Variants in RSBN1 observed in about 807,000 individuals in gnomAD.
RSBN1 encodes the protein lysine-specific demethylase 9.
RSBN1 carries 23 observed loss-of-function variants against 74.8 expected under a neutral mutation model. That is an observed-to-expected ratio of 0.31 (90% CI 0.22 to 0.44). The LOEUF (loss-of-function observed/expected upper bound fraction) is 0.44. Among genes scored for constraint, RSBN1 ranks in the 20% least tolerant of loss-of-function variants. The pLI is 1.00. For missense variants in RSBN1, 808 were observed against 1,020.9 expected (o/e 0.79, Z 2.84); for synonymous variants, 407 against 379.6 (o/e 1.07, Z -0.84).
intron 3 of RSBN1, 34 bp from the exon 4 acceptor site, chr1:113,777,386 T>C: frequency 6.3e-7 from 1 of 1,576,766 alleles, no homozygotes; most frequent in Non-Finnish European, 8.6e-7. Flanking sequence ...CATTAAAAAA[T>C]TGTTTCAATG....
intron 2 of RSBN1, among the ~76,000 whole-genome samples, chr1:113,794,182 T>A (rs2101815645): frequency 6.6e-6 from 1 of 152,210 alleles, no homozygotes; most frequent in South Asian, 2.1e-4. Context: ...TTCTAATTAT[T>A]TCTCAAATTT....
chr1:113,798,897 C>G (rs879562320), intron 1 of RSBN1, among the ~76,000 whole-genome samples: 9 of 152,132 alleles, frequency 5.9e-5, no homozygotes, highest in Admixed American at 5.9e-4. Context: ...TTACAAAATG[C>G]TTAGACTCAT....
At chr1:113,767,653 T>G (rs376758833) in intron 5 of RSBN1, among the ~76,000 whole-genome samples, 1 of 152,160 alleles carries the variant, frequency 6.6e-6, no homozygotes, top group East Asian at 1.9e-4. Context: ...TGCAGGGACA[T>G]GAAGAGATAT....
chr1:113,794,325 T>C (rs958389656), intron 2 of RSBN1, among the ~76,000 whole-genome samples: 1 of 152,258 alleles, frequency 6.6e-6, no homozygotes, highest in Non-Finnish European at 1.5e-5. Context: ...CACACTATTA[T>C]GTAATCTTTG....
At chr1:113,777,135 C>T (rs1323329814) in intron 4 of RSBN1, 75 bp downstream of exon 4, 1 of 1,388,814 alleles carries the variant, frequency 7.2e-7, no homozygotes, top group African/African-American at 1.4e-5. Flanking sequence ...AAATGGTTTT[C>T]AAACTGTGCT....
intron 4 of RSBN1, among the ~76,000 whole-genome samples, chr1:113,776,126 T>C (rs960846974): frequency 6.6e-6 from 1 of 152,330 alleles, no homozygotes; most frequent in Non-Finnish European, 1.5e-5. Flanking sequence ...ACACAAAACA[T>C]GTTAGCACAA....
intron 4 of RSBN1, among the ~76,000 whole-genome samples, chr1:113,776,922 G>A (rs1660044265): frequency 2.0e-5 from 3 of 151,884 alleles, no homozygotes; most frequent in African/African-American, 4.8e-5. Context: ...ACATCTAGAA[G>A]AGGTACAGTT....
At chr1:113,767,265 A>G (rs1659799534) in intron 5 of RSBN1, 58 bp from the exon 6 acceptor site, 1 of 998,626 alleles carries the variant, frequency 1.0e-6, no homozygotes, top group African/African-American at 1.6e-5. Flanking sequence ...AAATGATGAC[A>G]AATTTCAGTT....
chr1:113,797,602 G>C lies in RSBN1; in HGVS notation c.1138C>G (p.Leu380Val). 1 of 1,613,446 alleles carries C rather than the reference G, an allele frequency of 6.2e-7. No homozygotes were observed. The highest frequency in any genetic ancestry group is 8.5e-7 in the Non-Finnish European group (1 of 1,179,636). The change falls in exon 2 of 7, where the codon CTC becomes GTC. Residue 380 changes from leucine to valine, a missense_variant. Transcript: ENST00000261441. Reference sequence around the variant, plus strand: ...ATCTCCATTGGAGACAAAAATGAGAGTTCATCCATGTAAGCATGAAGGACA... The same window carrying C: ...ATCTCCATTGGAGACAAAAATGAGACTTCATCCATGTAAGCATGAAGGACA... ...ALVLHAYMDE[L>V]SFLSPMEMER... is the part of the protein sequence containing the mutation.
At chr1:113,776,781 G>C (rs1383247001) in intron 4 of RSBN1, among the ~76,000 whole-genome samples, 1 of 140,182 alleles carries the variant, frequency 7.1e-6, no homozygotes, top group Non-Finnish European at 1.5e-5. Context: ...CTGCACTCTA[G>C]CTCTGGGCAA....
At chr1:113,794,453 A>C (rs930724277) in intron 2 of RSBN1, among the ~76,000 whole-genome samples, 1 of 152,178 alleles carries the variant, frequency 6.6e-6, no homozygotes, top group South Asian at 2.1e-4. Context: ...TCACAATCCT[A>C]ATCATGTCTC....
intron 1 of RSBN1, among the ~76,000 whole-genome samples, chr1:113,807,032 G>C (rs1029935225): frequency 6.6e-6 from 1 of 151,478 alleles, no homozygotes; most frequent in Non-Finnish European, 1.5e-5. Context: ...AAACAAACAG[G>C]CTGGGCGTGG....
At chr1:113,808,769 T>A (rs569118773) in intron 1 of RSBN1, among the ~76,000 whole-genome samples, 2 of 152,176 alleles carry the variant, frequency 1.3e-5, no homozygotes, top group Non-Finnish European at 2.9e-5. Context: ...ACAAAACAGG[T>A]TAGTGGCTGC....
Position 113,797,579 on chromosome 1 carries a change from C to T in RSBN1, c.1161G>A (p.Glu387=). The T allele has an allele frequency of 1.2e-6, 2 of 1,612,268 alleles. No homozygotes were observed. The highest frequency in any genetic ancestry group is 1.7e-6 in the Non-Finnish European group (2 of 1,178,968). The change falls in exon 2 of 7, where the codon GAG becomes GAA. Residue 387 remains glutamate, a synonymous_variant. Coordinates refer to ENST00000261441, the MANE Select transcript of RSBN1 (RefSeq NM_018364.5). ...GAAACTCCTCAGAAAATCTCTCCATCTCCATTGGAGACAAAAATGAGAGTT... is the reference window on the plus strand; with the variant it reads ...GAAACTCCTCAGAAAATCTCTCCATTTCCATTGGAGACAAAAATGAGAGTT... The part of the protein sequence containing the change: ...MDELSFLSPM[E]MERFSEEFLA...
chr1:113,773,080 T>C (rs1659913241), intron 4 of RSBN1, among the ~76,000 whole-genome samples: 1 of 151,650 alleles, frequency 6.6e-6, no homozygotes, highest in Non-Finnish European at 1.5e-5. Flanking sequence ...GATAAAAACT[T>C]GGAACAGAAG....
At chr1:113,806,729 A>G (rs1272092726) in intron 1 of RSBN1, among the ~76,000 whole-genome samples, 3 of 151,342 alleles carry the variant, frequency 2.0e-5, no homozygotes, top group South Asian at 2.1e-4. Context: ...GACCAGGCAC[A>G]GTGGCTCCTG....
intron 1 of RSBN1, among the ~76,000 whole-genome samples, chr1:113,810,340 T>G (rs1175576314): frequency 1.3e-5 from 2 of 151,100 alleles, no homozygotes; most frequent in African/African-American, 4.9e-5. Flanking sequence ...CAATACAAAT[T>G]TAAGCCAGAG....
intron 1 of RSBN1, among the ~76,000 whole-genome samples, chr1:113,806,853 A>AAAC (rs927538709): frequency 4.6e-5 from 7 of 151,002 alleles, no homozygotes; most frequent in African/African-American, 1.7e-4. Context: ...AAAAAAAAAA[A>AAAC]AAAAAAAACA....
Position 113,766,070 on chromosome 1 carries a change from C to CT in RSBN1, c.2318dup (p.Thr774AspfsTer12). On this transcript the variant is annotated frameshift_variant, in exon 7 of 7. Coordinates refer to ENST00000261441, the MANE Select transcript of RSBN1 (RefSeq NM_018364.5). LOFTEE classifies it high-confidence loss of function. ...CTTTTAAAACTGGAATAGGCTGAGTCTTCTGATCTTGCTGTAGATTAAGTT... is the reference window on the plus strand; with the variant it reads ...CTTTTAAAACTGGAATAGGCTGAGTCTTTCTGATCTTGCTGTAGATTAAGTT... 6 of 1,614,100 alleles carry CT rather than the reference C, an allele frequency of 3.7e-6. No homozygotes were observed. Among genetic ancestry groups the CT allele is most frequent in the Non-Finnish European group, 5.1e-6 (6 of 1,179,956 alleles).
Sources: gnomAD v4.1 joint callset for allele counts (sites outside exome capture counted in the v4.1 genomes callset) on GRCh38, gnomAD v4.1.1 for gene constraint, MANE v1.5 for transcripts, NCBI Gene and HGNC (gene_info 2026-07-23, HGNC 2026-07-21) for gene names.